FGF12: variants seen among roughly 807,000 people sequenced by gnomAD.
FGF12 encodes the protein fibroblast growth factor 12B.
In FGF12, 14 loss-of-function variants were observed where a neutral mutation model predicts 23.6. That is an observed-to-expected ratio of 0.59 (90% CI 0.39 to 0.93). The LOEUF is 0.93. FGF12 is among the 40% of genes least tolerant of loss of function. FGF12 has a pLI of 0.00. For missense variants in FGF12, 175 were observed against 217.8 expected (o/e 0.80, Z 1.24); for synonymous variants, 62 against 77.3 (o/e 0.80, Z 1.04).
At chr3:192,562,108 T>G (rs1712069173) in intron 2 of FGF12, among the ~76,000 whole-genome samples, 1 of 152,140 alleles carries the variant, frequency 6.6e-6, no homozygotes. Context: ...AACAACATGA[T>G]GGATCTCAGA....
At position 192,318,263 on chromosome 3, in the gene FGF12, C is replaced by G. The variant is rs956796527; in HGVS notation, c.228+17098G>C. ...TCAACAAATGAACTAAATAAGACCC[C>G]AGGGACCAATCCCAGAGAGATAGAC... On this transcript the variant is annotated intron_variant, in intron 4 of 5. Coordinates refer to ENST00000445105, the MANE Select transcript of FGF12 (RefSeq NM_004113.6). 7.9e-5 allele frequency among the ~76,000 whole-genome samples: 12 copies of G among 152,128 alleles called. 1 individual carries two copies. Among genetic ancestry groups the G allele is most frequent in the African/African-American group, 2.9e-4 (12 of 41,414 alleles).
At chr3:192,638,897 G>A (rs1428380439) in intron 2 of FGF12, among the ~76,000 whole-genome samples, 1 of 152,154 alleles carries the variant, frequency 6.6e-6, no homozygotes, top group East Asian at 1.9e-4. Flanking sequence ...TAATTTAATA[G>A]AAACTTCCGA....
intron 2 of FGF12, among the ~76,000 whole-genome samples, chr3:192,442,501 G>A (rs1056569227): frequency 2.6e-5 from 4 of 152,196 alleles, no homozygotes; most frequent in Non-Finnish European, 4.4e-5. Flanking sequence ...AGGTGCCAGA[G>A]GGAAAAGAAT....
intron 2 of FGF12, among the ~76,000 whole-genome samples, chr3:192,441,911 T>C (rs1380043829): frequency 1.3e-5 from 2 of 152,244 alleles, no homozygotes; most frequent in Admixed American, 6.5e-5. Flanking sequence ...CTAGGTTAGA[T>C]GAACTCATTA....
chr3:192,168,652 T>C (rs990024825), intron 5 of FGF12, among the ~76,000 whole-genome samples: 1 of 152,250 alleles, frequency 6.6e-6, no homozygotes, highest in Non-Finnish European at 1.5e-5. Flanking sequence ...TTTGTCTTTA[T>C]AGTTTTCTAT....
At chr3:192,638,460 G>A (rs527590125) in intron 2 of FGF12, among the ~76,000 whole-genome samples, 15 of 152,222 alleles carry the variant, frequency 9.9e-5, no homozygotes, top group African/African-American at 3.1e-4. Flanking sequence ...ATGACTCTGC[G>A]GGGAAGAGGG....
chr3:192,468,570 A>G (rs1437064918), intron 2 of FGF12, among the ~76,000 whole-genome samples: 1 of 152,226 alleles, frequency 6.6e-6, no homozygotes, highest in African/African-American at 2.4e-5. Flanking sequence ...AGGATGCCAC[A>G]AAAATCATGC....
chr3:192,296,858 C>T (rs1484008418), intron 4 of FGF12, among the ~76,000 whole-genome samples: 1 of 152,162 alleles, frequency 6.6e-6, no homozygotes, highest in Non-Finnish European at 1.5e-5. Flanking sequence ...TACAGCCTAA[C>T]TCTGTTCTAT....
intron 4 of FGF12, chr3:192,283,000 A>C (rs1714239151): frequency 6.6e-6 from 1 of 152,140 alleles, no homozygotes; most frequent in Non-Finnish European, 1.5e-5. Flanking sequence ...TTTTGCAGGC[A>C]GTATTACAGT....
chr3:192,584,017 T>A (rs1713268633), intron 2 of FGF12, among the ~76,000 whole-genome samples: 1 of 152,202 alleles, frequency 6.6e-6, no homozygotes, highest in African/African-American at 2.4e-5. Flanking sequence ...TACCATGGAA[T>A]CATGGAGTTT....
At chr3:192,280,400 C>T (rs989630990) in intron 4 of FGF12, among the ~76,000 whole-genome samples, 1 of 151,982 alleles carries the variant, frequency 6.6e-6, no homozygotes, top group African/African-American at 2.4e-5. Flanking sequence ...ATTTTACTTT[C>T]TCTCCATATA....
intron 2 of FGF12, among the ~76,000 whole-genome samples, chr3:192,515,921 A>C (rs1188931236): frequency 1.3e-5 from 2 of 151,518 alleles, no homozygotes; most frequent in African/African-American, 4.8e-5. Context: ...AAGTGACAGG[A>C]CGTAACCCTA....
chr3:192,616,574 T>A (rs1714762436), intron 2 of FGF12, among the ~76,000 whole-genome samples: 1 of 151,940 alleles, frequency 6.6e-6, no homozygotes, highest in African/African-American at 2.4e-5. Flanking sequence ...GCTGAGAAAC[T>A]AAAATCTAGA....
intron 2 of FGF12, among the ~76,000 whole-genome samples, chr3:192,457,704 G>A (rs1041584736): frequency 3.3e-5 from 5 of 152,194 alleles, no homozygotes; most frequent in East Asian, 1.9e-4. Flanking sequence ...TGCAGCTGAC[G>A]ATGCAATAGA....
chr3:192,239,436 C>G (rs995869423), intron 4 of FGF12, among the ~76,000 whole-genome samples: 3 of 152,096 alleles, frequency 2.0e-5, no homozygotes, highest in Admixed American at 6.6e-5. Context: ...GGGACAAAGC[C>G]GTTAATTATG....
intron 2 of FGF12, among the ~76,000 whole-genome samples, chr3:192,439,991 A>T (rs75774499): frequency 2.0e-5 from 3 of 151,716 alleles, no homozygotes; most frequent in Non-Finnish European, 4.4e-5. Context: ...AAAAAAAAAA[A>T]AGCATAATAT....
intron 2 of FGF12, among the ~76,000 whole-genome samples, chr3:192,605,039 C>T (rs1182385324): frequency 2.0e-5 from 3 of 152,082 alleles, no homozygotes; most frequent in African/African-American, 7.2e-5. Context: ...TATACAAAAA[C>T]TCAAGCTGAA....
At chr3:192,263,895 T>A (rs1712913886) in intron 4 of FGF12, among the ~76,000 whole-genome samples, 2 of 152,052 alleles carry the variant, frequency 1.3e-5, no homozygotes, top group Admixed American at 1.3e-4. Context: ...CAACAAAATA[T>A]CTTATTCTTA....
chr3:192,203,768 T>C (rs1717502053), intron 4 of FGF12, among the ~76,000 whole-genome samples: 1 of 152,010 alleles, frequency 6.6e-6, no homozygotes, highest in Admixed American at 6.6e-5. Context: ...GCCCACCTAA[T>C]TTTTAAAATT....
Sources: allele counts gnomAD v4.1 joint callset (sites outside exome capture counted in the v4.1 genomes callset), GRCh38; gene constraint gnomAD v4.1.1; transcripts MANE v1.5; gene names NCBI Gene and HGNC (gene_info 2026-07-23, HGNC 2026-07-21).